The following TJP2 variants were observed in gnomAD, a reference collection of about 807,000 sequenced individuals.
TJP2 encodes Friedreich ataxia region gene X104 (tight junction protein ZO-2).
A neutral mutation model predicts 133.1 loss-of-function variants in TJP2; 91 were observed. That is an observed-to-expected ratio of 0.68 (90% CI 0.58 to 0.81). TJP2 has a LOEUF of 0.81. Among genes scored for constraint, TJP2 ranks in the 40% least tolerant of loss-of-function variants. The pLI, the probability that TJP2 is intolerant of heterozygous loss-of-function variation, is 0.00. For missense variants in TJP2, 1,541 were observed against 1,565.6 expected (o/e 0.98, Z 0.26); for synonymous variants, 592 against 583.4 (o/e 1.01, Z -0.21).
chr9:69,190,130 A>T (rs1826112864), intron 1 of TJP2, among the ~76,000 whole-genome samples: 1 of 151,598 alleles, frequency 6.6e-6, no homozygotes, highest in African/African-American at 2.4e-5. Context: ...CAAACAAACA[A>T]ACTTCTCCTG....
intron 1 of TJP2, among the ~76,000 whole-genome samples, chr9:69,193,691 T>TA (rs1826361931): frequency 7.4e-6 from 1 of 135,074 alleles, no homozygotes; most frequent in African/African-American, 2.8e-5. Context: ...TTTTTTTTTT[T>TA]ATAACTTGCT....
intron 1 of TJP2, among the ~76,000 whole-genome samples, chr9:69,137,295 CTTTCTTTTCTTTTCT>C (rs58232602): frequency 0.066 from 4,588 of 69,146 alleles, 195 homozygotes; most frequent in African/African-American, 0.091. Flanking sequence ...TTCTTTCTTT[CTTTCTTTTCTTTTCT>C]TTTCTTTTCT....
chr9:69,214,488 C>T (rs192614527), intron 2 of TJP2, among the ~76,000 whole-genome samples: 137 of 152,224 alleles, frequency 9.0e-4, no homozygotes, highest in African/African-American at 2.6e-3. Context: ...ATCTTATTTC[C>T]GATCTTCCAT....
At chr9:69,167,721 A>G (rs1440174144) in intron 2 of TJP2, among the ~76,000 whole-genome samples, 2 of 152,248 alleles carry the variant, frequency 1.3e-5, no homozygotes, top group Non-Finnish European at 2.9e-5. Context: ...TACAAAAATT[A>G]GCCGGGCATG....
chr9:69,177,197 C>A (rs966700473), intron 1 of TJP2, among the ~76,000 whole-genome samples: 16 of 152,172 alleles, frequency 1.1e-4, no homozygotes, highest in Admixed American at 3.3e-4. Context: ...GTTGTTGGAC[C>A]AACCAGCCTT....
chr9:69,220,938 C>G lies in TJP2; in HGVS notation c.394C>G (p.Pro132Ala). 1.2e-6 allele frequency: 2 copies of G among 1,612,658 alleles called. No individual in the cohort carries two copies. Among genetic ancestry groups the G allele is most frequent in the Non-Finnish European group, 1.7e-6 (2 of 1,180,012 alleles). ...VQVAALQASP[P>A]LDQDDRAFEV... ...GGTGGCCGCACTTCAGGCCAGCCCT[C>G]CCCTGGATCAGGATGACCGGGCTTT... The change falls in exon 5 of 23, where the codon CCC becomes GCC. Residue 132 changes from proline (P) to alanine (A), a missense_variant. Physicochemically the swap from Pro to Ala is conservative, Grantham distance 27. Transcript: ENST00000377245.
rs201627536 is a variant in TJP2 at position 69,212,976 on chromosome 9, C to T, written c.114+375C>T. Among the ~76,000 whole-genome samples the T allele has an allele frequency of 3.4e-4, 15 of 44,408 alleles. No individual in the cohort carries two copies. The South Asian group carries it at 9.8e-3, about 29-fold the overall frequency. The allele number at this position is 44,408 out of a possible 152,430, so 29.1% of individuals were successfully genotyped here. On this transcript the variant is annotated intron_variant, in intron 2 of 22. Coordinates refer to ENST00000377245, the MANE Select transcript of TJP2 (RefSeq NM_004817.4). The stretch of plus-strand genomic sequence containing the variant: ...ATGACATATTATACATACCTTATAA[C>T]TCTTAAAAAGTGTAGCATCCAAGAG...
At chr9:69,142,421 T>G (rs2133297376) in intron 1 of TJP2, among the ~76,000 whole-genome samples, 1 of 152,292 alleles carries the variant, frequency 6.6e-6, no homozygotes, top group South Asian at 2.1e-4. Context: ...TGGTGGGGCA[T>G]CTGAGTAGCA....
intron 1 of TJP2, chr9:69,145,641 A>T: frequency 1.0e-6 from 1 of 986,360 alleles, no homozygotes; most frequent in Non-Finnish European, 1.3e-6. Flanking sequence ...ATTAAAGATT[A>T]GTTCAGTTGC....
chr9:69,140,515 G>A lies in TJP2; in HGVS notation c.-130-11136G>A, dbSNP rs559043775. ...ATGTGAACTACTCTCTCCAGCTGCT[G>A]TCAGCCAACTGCTGTATCTCAACAC... On this transcript the variant is annotated intron_variant, in intron 1 of 5. Coordinates refer to the TJP2 transcript ENST00000423935. 8.9e-4 allele frequency among the ~76,000 whole-genome samples: 135 copies of A among 152,312 alleles called. 2 individuals are homozygous for A. Among genetic ancestry groups the A allele is most frequent in the African/African-American group, 3.1e-3 (128 of 41,560 alleles).
chr9:69,229,049 T>G (rs1414062531), intron 9 of TJP2, 135 bp from the exon 10 acceptor site: 3 of 830,504 alleles, frequency 3.6e-6, no homozygotes, highest in East Asian at 4.9e-5. Flanking sequence ...TAAACGGCAC[T>G]TTAGAGACTT....
intron 13 of TJP2, 39 bp downstream of exon 13, chr9:69,236,277 T>G: frequency 6.2e-7 from 1 of 1,604,656 alleles, no homozygotes; most frequent in Non-Finnish European, 8.5e-7. Context: ...CTTTTAATCC[T>G]TCCCCCTGCA....
chr9:69,135,839 C>T (rs1012752147), intron 1 of TJP2, among the ~76,000 whole-genome samples: 1 of 152,184 alleles, frequency 6.6e-6, no homozygotes, highest in Non-Finnish European at 1.5e-5. Context: ...CTCCTGGCCT[C>T]ATGTGATCCA....
intron 2 of TJP2, among the ~76,000 whole-genome samples, chr9:69,165,460 G>A (rs888644313): frequency 3.9e-5 from 6 of 152,086 alleles, no homozygotes; most frequent in African/African-American, 1.2e-4. Flanking sequence ...TCTGCTTGAG[G>A]ACAACCATGG....
intron 4 of TJP2, among the ~76,000 whole-genome samples, chr9:69,220,319 T>C (rs749778831): frequency 7.9e-5 from 12 of 152,240 alleles, no homozygotes; most frequent in Non-Finnish European, 7.3e-5. Context: ...ACATGATTTG[T>C]AAAATTCAAA....
chr9:69,156,034 G>A (rs987101053), intron 2 of TJP2, among the ~76,000 whole-genome samples: 5 of 152,202 alleles, frequency 3.3e-5, no homozygotes, highest in Admixed American at 2.6e-4. Context: ...ACTCCTATAT[G>A]TAAACCAGAA....
chr9:69,176,966 G>A (rs904763216), intron 1 of TJP2, among the ~76,000 whole-genome samples: 2 of 152,088 alleles, frequency 1.3e-5, no homozygotes, highest in African/African-American at 4.8e-5. Flanking sequence ...AAGTTTGGGT[G>A]TGGTGGGGGC....
intron 1 of TJP2, among the ~76,000 whole-genome samples, chr9:69,129,695 G>T (rs2133229543): frequency 6.6e-6 from 1 of 152,236 alleles, no homozygotes; most frequent in East Asian, 1.9e-4. Flanking sequence ...CTAGCACTTT[G>T]GGAGGCCGAG....
Position 69,230,187 on chromosome 9 carries a change from C to G in TJP2, c.1626C>G (p.Thr542=), listed in dbSNP as rs1389349489. 6.2e-7 allele frequency: 1 copy of G among 1,614,040 alleles called. No homozygotes were observed. The highest frequency in any genetic ancestry group is 2.2e-5 in the East Asian group (1 of 44,886). ...GIFVAGIQEG[T]SAEQEGLQEG... ...TTGTTGCTGGCATTCAAGAAGGGAC[C>G]TCGGCGGAGCAGGAGGGCCTTCAAG... is the stretch of plus-strand genomic sequence containing the variant. The change falls in exon 11 of 23, where the codon ACC becomes ACG. Residue 542 remains threonine (T), a synonymous_variant. Coordinates refer to ENST00000377245, the MANE Select transcript of TJP2 (RefSeq NM_004817.4).
Sources: gnomAD v4.1 joint callset for allele counts (sites outside exome capture counted in the v4.1 genomes callset) on GRCh38, gnomAD v4.1.1 for gene constraint, MANE v1.5 for transcripts, NCBI Gene and HGNC (gene_info 2026-07-23, HGNC 2026-07-21) for gene names.